The following RHBDD1 variants were observed in gnomAD, a reference collection of about 807,000 sequenced individuals.
The protein encoded by RHBDD1 is rhomboid-related protein 4.
Under a neutral mutation model 36.3 loss-of-function variants are expected in RHBDD1, and 38 were observed. That is an observed-to-expected ratio of 1.05 (90% CI 0.81 to 1.37). RHBDD1 has a LOEUF of 1.37. Among genes scored for constraint, RHBDD1 ranks in the 40% most tolerant of loss-of-function variants. The pLI is 0.00. For synonymous variants in RHBDD1, 151 were observed against 136.5 expected, an observed-to-expected ratio of 1.11 and a Z score of -0.74; for missense variants, 393 against 377.6, an observed-to-expected ratio of 1.04 and a Z score of -0.34.
intron 2 of RHBDD1, among the ~76,000 whole-genome samples, chr2:226,838,954 T>C (rs1485752872): frequency 6.6e-6 from 1 of 152,210 alleles, no homozygotes; most frequent in Non-Finnish European, 1.5e-5. Flanking sequence ...GACAGTCAGC[T>C]AGAGAAGGGG....
At chr2:226,912,903 AACT>A (rs1490969855) in intron 7 of RHBDD1, among the ~76,000 whole-genome samples, 1 of 152,168 alleles carries the variant, frequency 6.6e-6, no homozygotes, top group African/African-American at 2.4e-5. Context: ...CAATAGACAC[AACT>A]ACTTTTCATG....
intron 8 of RHBDD1, among the ~76,000 whole-genome samples, chr2:226,967,384 T>A (rs1334137968): frequency 3.3e-5 from 5 of 152,300 alleles, no homozygotes; most frequent in Non-Finnish European, 1.5e-5. Context: ...CTTTTTTTCT[T>A]TATTTTATTA....
rs565650948 is a variant in RHBDD1, at chr2:226,913,426, A to G, written c.713-782A>G. Among the ~76,000 whole-genome samples, 5 of 152,356 alleles carry G rather than the reference A, an allele frequency of 3.3e-5. No homozygotes were observed. The South Asian group carries it at 1.0e-3, about 32-fold the overall frequency. ...TCTGTGGGGAACAAAAATCTCTTCCAAACAAATTCTCTAACTATTGGCAGT... is the reference window on the plus strand; with the variant it reads ...TCTGTGGGGAACAAAAATCTCTTCCGAACAAATTCTCTAACTATTGGCAGT... On this transcript the variant is annotated intron_variant, in intron 7 of 8. Transcript: ENST00000392062.
chr2:226,831,311 A>G (rs1289403134), upstream of RHBDD1, among the ~76,000 whole-genome samples: 1 of 152,204 alleles, frequency 6.6e-6, no homozygotes. Context: ...CATGTCTGTT[A>G]TGGGTTGAAC....
At chr2:226,815,198 C>A in the RHBDD1 span, among the ~76,000 whole-genome samples, 2 of 152,162 alleles carry the variant, frequency 1.3e-5, no homozygotes, top group African/African-American at 2.4e-5. Context: ...CAAAATCCAA[C>A]CTAAGTAATT....
the RHBDD1 span, among the ~76,000 whole-genome samples, chr2:226,803,727 C>A: frequency 6.6e-6 from 1 of 152,144 alleles, no homozygotes; most frequent in South Asian, 2.1e-4. Context: ...CTGAAAGGTG[C>A]CTCTTCCCTT....
intron 5 of RHBDD1, among the ~76,000 whole-genome samples, chr2:226,875,596 A>G (rs947830838): frequency 6.6e-6 from 1 of 152,194 alleles, no homozygotes; most frequent in Non-Finnish European, 1.5e-5. Context: ...CAGAAAAGGA[A>G]AGTAACTCTG....
At chr2:226,889,746 C>T (rs926524365) in intron 5 of RHBDD1, among the ~76,000 whole-genome samples, 4 of 152,146 alleles carry the variant, frequency 2.6e-5, no homozygotes, top group Admixed American at 6.6e-5. Context: ...AGATGCCGAG[C>T]AAAGGCCAGC....
chr2:226,821,360 T>C, the RHBDD1 span, among the ~76,000 whole-genome samples: 2 of 152,144 alleles, frequency 1.3e-5, no homozygotes, highest in African/African-American at 2.4e-5. Context: ...GAACTTTTAA[T>C]GTTTTTCATA....
intron 8 of RHBDD1, among the ~76,000 whole-genome samples, chr2:226,958,475 A>AT (rs1404581452): frequency 6.6e-6 from 1 of 152,224 alleles, no homozygotes; most frequent in African/African-American, 2.4e-5. Flanking sequence ...TGTGGGAATG[A>AT]TTATACAGCT....
At chr2:226,818,671 T>C in the RHBDD1 span, among the ~76,000 whole-genome samples, 2 of 151,426 alleles carry the variant, frequency 1.3e-5, no homozygotes, top group Admixed American at 6.6e-5. Context: ...AAACCCCGTC[T>C]CTCCTAAAAA....
At chr2:226,843,603 C>T (rs1941906768) in intron 3 of RHBDD1, among the ~76,000 whole-genome samples, 1 of 152,150 alleles carries the variant, frequency 6.6e-6, no homozygotes, top group Non-Finnish European at 1.5e-5. Flanking sequence ...ACCAACCTGG[C>T]ACCCCGGGAT....
chr2:226,833,246 G>A (rs780144272), upstream of RHBDD1, among the ~76,000 whole-genome samples: 1 of 152,096 alleles, frequency 6.6e-6, no homozygotes, highest in Non-Finnish European at 1.5e-5. Context: ...GTACAGTTTT[G>A]GGTAAAACAG....
chr2:226,897,776 G>C (rs1371261288), intron 5 of RHBDD1, among the ~76,000 whole-genome samples: 1 of 152,100 alleles, frequency 6.6e-6, no homozygotes, highest in African/African-American at 2.4e-5. Flanking sequence ...TTCGAGACCA[G>C]CCTGACCAAC....
At chr2:226,985,631 ACCCGGGAGCTCATTAAAACTACAGCGG>A (rs1231800228) in intron 8 of RHBDD1, among the ~76,000 whole-genome samples, 1 of 152,254 alleles carries the variant, frequency 6.6e-6, no homozygotes, top group African/African-American at 2.4e-5. Context: ...CATCGGAGTC[ACCCGGGAGCTCATTAAAACTACAGCGG>A]CCTGGGCTCT....
intron 5 of RHBDD1, among the ~76,000 whole-genome samples, chr2:226,904,942 G>C (rs1947920166): frequency 6.6e-6 from 1 of 152,160 alleles, no homozygotes; most frequent in South Asian, 2.1e-4. Flanking sequence ...TGGTCTTGGT[G>C]AAACGGTCCT....
At chr2:226,941,213 G>A (rs188095894) in intron 8 of RHBDD1, among the ~76,000 whole-genome samples, 4 of 152,208 alleles carry the variant, frequency 2.6e-5, no homozygotes, top group South Asian at 2.1e-4. Context: ...TGATCCACCC[G>A]CCTCAGCCTC....
At chr2:226,850,622 G>A (rs1319574705) in intron 3 of RHBDD1, among the ~76,000 whole-genome samples, 1 of 152,060 alleles carries the variant, frequency 6.6e-6, no homozygotes, top group African/African-American at 2.4e-5. Flanking sequence ...TCTAGGTGGT[G>A]TCTATAGGCA....
In RHBDD1 at chr2:226,914,326, A is replaced by G. The variant is rs1290515375; in HGVS notation, c.831A>G (p.Ala277=). The change falls in exon 8 of 9, where the codon GCA becomes GCG. Residue 277 remains alanine (A), a synonymous_variant. Transcript: ENST00000392062. ...GTGAAGAAGAACAGCTCGAGAGAGC[A>G]TTACAAGCCAGCCTCTGGGACCGAG... ...GLSEEEQLER[A]LQASLWDRGN... is the part of the protein sequence containing the mutation. 3 of 1,613,300 alleles carry G rather than the reference A, an allele frequency of 1.9e-6. No individual in the cohort carries two copies. The highest frequency in any genetic ancestry group is 1.3e-5 in the African/African-American group (1 of 74,914).
Sources: gnomAD v4.1 joint callset for allele counts (sites outside exome capture counted in the v4.1 genomes callset) on GRCh38, gnomAD v4.1.1 for gene constraint, MANE v1.5 for transcripts, NCBI Gene and HGNC (gene_info 2026-07-23, HGNC 2026-07-21) for gene names.